PTPRG: variants seen among roughly 807,000 people sequenced by gnomAD.
The protein encoded by PTPRG is receptor-type tyrosine-protein phosphatase gamma.
In PTPRG, 102 loss-of-function variants were observed where a neutral mutation model predicts 165.3. That is an observed-to-expected ratio of 0.62 (90% CI 0.53 to 0.73). PTPRG has a LOEUF of 0.73. PTPRG is among the 30% of genes least tolerant of loss of function. The pLI, the probability that PTPRG is intolerant of heterozygous loss-of-function variation, is 0.00. For synonymous variants in PTPRG, 675 were observed against 669.5 expected, an observed-to-expected ratio of 1.01 and a Z score of -0.13; for missense variants, 1,866 against 1,861.4, an observed-to-expected ratio of 1.00 and a Z score of -0.05.
chr3:62,058,789 A>T (rs958164179), intron 4 of PTPRG, among the ~76,000 whole-genome samples: 3 of 152,188 alleles, frequency 2.0e-5, no homozygotes, highest in African/African-American at 7.2e-5. Context: ...TGTTGAGTCA[A>T]ACTAGGTCCA....
At chr3:62,290,507 C>A (rs1576233143) in intron 28 of PTPRG, among the ~76,000 whole-genome samples, 1 of 152,092 alleles carries the variant, frequency 6.6e-6, no homozygotes, top group East Asian at 1.9e-4. Flanking sequence ...AAGACTATTA[C>A]AGAAACTTGC....
chr3:61,910,901 C>T (rs2038786423), intron 2 of PTPRG, among the ~76,000 whole-genome samples: 1 of 152,194 alleles, frequency 6.6e-6, no homozygotes, highest in African/African-American at 2.4e-5. Context: ...AGCCCCACCT[C>T]CCATGATTCA....
At position 61,562,359 on chromosome 3, in the gene PTPRG, C is replaced by G. The variant is rs936574527; in HGVS notation, c.72C>G (p.Val24=). The change falls in exon 1 of 30, where the codon GTC becomes GTG. Residue 24 remains valine, a synonymous_variant. Coordinates refer to ENST00000474889, the MANE Select transcript of PTPRG (RefSeq NM_002841.4). ...TCACCAGTTCCGTGCTCCATTATGT[C>G]GTGTGCTTCCCCGGTGAGTGCCGGC... The part of the protein sequence containing the change: ...LKITSSVLHY[V]VCFPALTEGY... 1 of 1,613,622 alleles carries G rather than the reference C, an allele frequency of 6.2e-7. No homozygotes were observed. Among genetic ancestry groups the G allele is most frequent in the Non-Finnish European group, 8.5e-7 (1 of 1,179,666 alleles).
Position 61,860,155 on chromosome 3 carries a change from T to G in PTPRG, c.190+111173T>G, listed in dbSNP as rs571722056. ...GAAGAGGAAATATTGTATGTACATT[T>G]CAGAGTGAAAAGTAATTCCTCAGGG... On this transcript the variant is annotated intron_variant, in intron 2 of 29. Transcript: ENST00000474889. Among the ~76,000 whole-genome samples, 12 of 152,352 alleles carry G rather than the reference T, an allele frequency of 7.9e-5. No individual in the cohort carries two copies. In the East Asian group the frequency reaches 2.3e-3, roughly 29 times the overall value.
At chr3:61,919,735 G>T (rs1193063138) in intron 2 of PTPRG, among the ~76,000 whole-genome samples, 1 of 152,012 alleles carries the variant, frequency 6.6e-6, no homozygotes, top group Middle Eastern at 3.2e-3. Flanking sequence ...ATTTATCTGT[G>T]GACCTGCTTA....
chr3:61,570,155 T>G (rs144438644), intron 1 of PTPRG, among the ~76,000 whole-genome samples: 1 of 152,312 alleles, frequency 6.6e-6, no homozygotes, highest in East Asian at 1.9e-4. Context: ...TGTGTGACAC[T>G]TGAACACATT....
chr3:61,736,470 A>G lies in PTPRG; in HGVS notation c.86-12408A>G, dbSNP rs2032729577. On this transcript the variant is annotated intron_variant, in intron 1 of 29. Transcript: ENST00000474889. ...CTATTATCTTTTTTTTCCCCCATTG[A>G]TCTGTCTAAGCAGTTCATTTTGTGA... is the stretch of plus-strand genomic sequence containing the variant. Among the ~76,000 whole-genome samples, 3 of 151,088 alleles carry G rather than the reference A, an allele frequency of 2.0e-5. No homozygotes were observed. In the South Asian group the frequency reaches 6.3e-4, roughly 31 times the overall value.
chr3:61,825,651 G>T (rs1283065430), intron 2 of PTPRG, among the ~76,000 whole-genome samples: 2 of 148,244 alleles, frequency 1.3e-5, no homozygotes, highest in African/African-American at 2.5e-5. Context: ...GTTTTCTTAG[G>T]TTTTTTTTTT....
At chr3:62,048,980 A>G (rs544602322) in intron 4 of PTPRG, among the ~76,000 whole-genome samples, 6 of 152,228 alleles carry the variant, frequency 3.9e-5, no homozygotes, top group Non-Finnish European at 7.3e-5. Flanking sequence ...TTCAAAAGGG[A>G]TACAATATGT....
chr3:62,291,299 T>C (rs1285247527), intron 28 of PTPRG, among the ~76,000 whole-genome samples: 1 of 152,164 alleles, frequency 6.6e-6, no homozygotes, highest in Non-Finnish European at 1.5e-5. Flanking sequence ...AATATGGCAG[T>C]GTCTTTAAAA....
chr3:61,781,620 A>C (rs1320791852), intron 2 of PTPRG, among the ~76,000 whole-genome samples: 1 of 152,154 alleles, frequency 6.6e-6, no homozygotes, highest in Non-Finnish European at 1.5e-5. Context: ...TTGGTCAACA[A>C]ATATTTTGCT....
intron 4 of PTPRG, among the ~76,000 whole-genome samples, chr3:62,033,282 C>T (rs1699828070): frequency 6.6e-6 from 1 of 151,904 alleles, no homozygotes; most frequent in African/African-American, 2.4e-5. Flanking sequence ...GTTCAAATGT[C>T]ACTTTCAGAG....
intron 1 of PTPRG, among the ~76,000 whole-genome samples, chr3:61,709,726 C>T (rs2031455835): frequency 6.6e-6 from 1 of 152,154 alleles, no homozygotes; most frequent in Non-Finnish European, 1.5e-5. Flanking sequence ...GCAATGCCTC[C>T]TCTTGACTAT....
At chr3:61,755,286 G>T (rs1471771420) in intron 2 of PTPRG, among the ~76,000 whole-genome samples, 4 of 152,152 alleles carry the variant, frequency 2.6e-5, no homozygotes, top group African/African-American at 9.7e-5. Context: ...GGGGTTACAG[G>T]CATGAGCCAC....
intron 2 of PTPRG, among the ~76,000 whole-genome samples, chr3:61,869,572 C>A (rs1174717417): frequency 6.6e-6 from 1 of 151,680 alleles, no homozygotes; most frequent in Non-Finnish European, 1.5e-5. Flanking sequence ...CCCTCCCCTC[C>A]CCTCCCCTCC....
chr3:61,576,865 A>AT (rs2106786962), intron 1 of PTPRG, among the ~76,000 whole-genome samples: 1 of 152,336 alleles, frequency 6.6e-6, no homozygotes, highest in East Asian at 1.9e-4. Context: ...AGATCCACTA[A>AT]TGGAGGTATA....
At chr3:62,116,166 C>T (rs1451646004) in intron 5 of PTPRG, among the ~76,000 whole-genome samples, 2 of 151,996 alleles carry the variant, frequency 1.3e-5, no homozygotes, top group African/African-American at 4.8e-5. Flanking sequence ...GAAGGTCTGC[C>T]CAACTCTTAA....
chr3:61,789,283 G>T (rs916090523), intron 2 of PTPRG, among the ~76,000 whole-genome samples: 3 of 151,890 alleles, frequency 2.0e-5, no homozygotes, highest in South Asian at 2.1e-4. Flanking sequence ...AAAATTTTTT[G>T]TAGAGACGGG....
At chr3:62,236,972 G>GGTTTGTTT (rs374757586) in intron 14 of PTPRG, among the ~76,000 whole-genome samples, 160 of 152,166 alleles carry the variant, frequency 1.1e-3, no homozygotes, top group African/African-American at 3.5e-3. Flanking sequence ...CTTTTAAGGA[G>GGTTTGTTT]GTTTGTTTGT....
Sources: allele counts gnomAD v4.1 joint callset (sites outside exome capture counted in the v4.1 genomes callset), GRCh38; gene constraint gnomAD v4.1.1; transcripts MANE v1.5; gene names NCBI Gene and HGNC (gene_info 2026-07-23, HGNC 2026-07-21).